Variants in LMO1 observed in about 807,000 individuals in gnomAD.
LMO1 encodes rhombotin-1.
In LMO1, 10 loss-of-function variants were observed where a neutral mutation model predicts 18.0. The ratio of observed to expected loss-of-function variants is 0.55; its 90% CI spans 0.34 to 0.94. The LOEUF (loss-of-function observed/expected upper bound fraction) is 0.94, where lower values mean the gene tolerates loss of function less well. Ranked by LOEUF, LMO1 falls within the 40% of genes least tolerant of loss-of-function variation. The pLI, the probability that LMO1 is intolerant of heterozygous loss-of-function variation, is 0.02. For missense variants in LMO1, 183 were observed against 205.7 expected, an observed-to-expected ratio of 0.89 and a Z score of 0.68; for synonymous variants, 77 against 77.9, an observed-to-expected ratio of 0.99 and a Z score of 0.06.
chr11:8,248,831 C>G (rs455082), intron 1 of LMO1, among the ~76,000 whole-genome samples: 133,939 of 152,220 alleles, frequency 0.88, 59,689 homozygotes, highest in South Asian at 0.98. Context: ...CCCAGTCCTA[C>G]TGTCCTCCTA....
chr11:8,268,722 C>A (rs772582798), upstream of LMO1: 8 of 231,372 alleles, frequency 3.5e-5, no homozygotes, highest in Non-Finnish European at 5.8e-5. Context: ...CGGGCCGGGC[C>A]GCAGCCGGAG....
chr11:8,238,670 C>CA (rs11375128), intron 1 of LMO1, among the ~76,000 whole-genome samples: 29,673 of 60,488 alleles, frequency 0.49, 6,894 homozygotes, highest in Non-Finnish European at 0.56. Context: ...GACTCCATCT[C>CA]AAAAAAAAAA....
chr11:8,266,217 G>C (rs1847259548), upstream of LMO1, among the ~76,000 whole-genome samples: 1 of 152,194 alleles, frequency 6.6e-6, no homozygotes, highest in African/African-American at 2.4e-5. Context: ...AACCTTCACA[G>C]CAAGTCTTGG....
At chr11:8,266,644 G>T (rs539778617), upstream of LMO1, among the ~76,000 whole-genome samples, 84 of 152,332 alleles carry the variant, frequency 5.5e-4, 1 homozygote, top group African/African-American at 1.9e-3. Context: ...TATCTGGGCA[G>T]GTCCCAGCAA....
chr11:8,267,687 G>T (rs73397910), upstream of LMO1, among the ~76,000 whole-genome samples: 8 of 152,322 alleles, frequency 5.3e-5, no homozygotes, highest in African/African-American at 1.9e-4. Flanking sequence ...TTACCACCAA[G>T]GACCTGGCAG....
chr11:8,260,765 T>A (rs1166549004), intron 1 of LMO1, among the ~76,000 whole-genome samples: 1 of 152,022 alleles, frequency 6.6e-6, no homozygotes, highest in Non-Finnish European at 1.5e-5. Flanking sequence ...CCCCAGCCTC[T>A]CCAGACAAGA....
upstream of LMO1, among the ~76,000 whole-genome samples, chr11:8,264,154 C>A (rs1204104289): frequency 6.6e-6 from 1 of 152,044 alleles, no homozygotes; most frequent in Non-Finnish European, 1.5e-5. Context: ...CCTTTTCCTT[C>A]CTACCAGTTC....
upstream of LMO1, chr11:8,263,998 T>C: frequency 8.2e-6 from 3 of 367,160 alleles, no homozygotes; most frequent in Non-Finnish European, 1.2e-5. Flanking sequence ...TGGAGGCTTC[T>C]AGGTCCTAGC....
upstream of LMO1, chr11:8,268,568 G>T: frequency 2.7e-6 from 2 of 740,126 alleles, no homozygotes; most frequent in Non-Finnish European, 3.7e-6. Flanking sequence ...AGTCCGGAGA[G>T]CCGCGACCGC....
chr11:8,256,194 G>C (rs1336535793), intron 1 of LMO1, among the ~76,000 whole-genome samples: 1 of 152,218 alleles, frequency 6.6e-6, no homozygotes, highest in Non-Finnish European at 1.5e-5. Flanking sequence ...TAAAGACTGA[G>C]AGGCCAAAGC....
At chr11:8,245,530 A>G (rs886706798) in intron 1 of LMO1, among the ~76,000 whole-genome samples, 5 of 152,206 alleles carry the variant, frequency 3.3e-5, no homozygotes, top group Non-Finnish European at 5.9e-5. Flanking sequence ...GTGAGCAAAG[A>G]TCCGTACTAA....
Position 8,243,019 on chromosome 11 carries a change from A to T in LMO1, c.26-12515T>A, listed in dbSNP as rs148314047. ...CCTGCTTCCTTCTTGAAGCCGCCAG[A>T]GCCCATCTGCTAGCCACGGGGCTGG... On this transcript the variant is annotated intron_variant, in intron 1 of 3. Coordinates refer to ENST00000335790, the MANE Select transcript of LMO1 (RefSeq NM_002315.3). Among the ~76,000 whole-genome samples, 1,118 of 152,252 alleles carry T rather than the reference A, an allele frequency of 7.3e-3. 11 individuals are homozygous for T. Among genetic ancestry groups the T allele is most frequent in the African/African-American group, 0.025 (1,058 of 41,552 alleles).
chr11:8,228,159 C>CT (rs1952581731), intron 2 of LMO1, among the ~76,000 whole-genome samples: 1 of 152,242 alleles, frequency 6.6e-6, no homozygotes, highest in Admixed American at 6.5e-5. Context: ...GCACAAATGC[C>CT]TCTTTGAGGC....
intron 1 of LMO1, among the ~76,000 whole-genome samples, chr11:8,262,323 C>G (rs1370483511): frequency 6.6e-6 from 1 of 152,200 alleles, no homozygotes; most frequent in Non-Finnish European, 1.5e-5. Context: ...GCCCCTGCAA[C>G]ACCAACACAC....
chr11:8,227,192 A>G (rs1466511426), intron 2 of LMO1, 92 bp from the exon 3 acceptor site: 3 of 1,530,000 alleles, frequency 2.0e-6, no homozygotes, highest in Non-Finnish European at 1.8e-6. Context: ...GGTCCTTCCC[A>G]TACTCCAACT....
chr11:8,249,959 A>T (rs1846960914), intron 1 of LMO1, among the ~76,000 whole-genome samples: 4 of 152,184 alleles, frequency 2.6e-5, no homozygotes, highest in Admixed American at 2.6e-4. Context: ...CAAGAAAGTA[A>T]CTCTTAATGA....
intron 1 of LMO1, among the ~76,000 whole-genome samples, chr11:8,255,998 T>C (rs1847090915): frequency 3.9e-5 from 6 of 151,922 alleles, no homozygotes; most frequent in Admixed American, 3.3e-4. Flanking sequence ...GCTAATTTTT[T>C]GTATTTTTGG....
intron 1 of LMO1, among the ~76,000 whole-genome samples, chr11:8,260,300 C>T (rs1309807858): frequency 6.6e-6 from 1 of 152,210 alleles, no homozygotes; most frequent in East Asian, 1.9e-4. Context: ...CCAGCCCAAG[C>T]CGCAGGTGCC....
chr11:8,232,937 G>T (rs571364508), intron 1 of LMO1, among the ~76,000 whole-genome samples: 1 of 152,320 alleles, frequency 6.6e-6, no homozygotes, highest in Admixed American at 6.5e-5. Flanking sequence ...GCTCCCGCAG[G>T]GTTGTAAACT....
Sources: gnomAD v4.1 joint callset for allele counts (sites outside exome capture counted in the v4.1 genomes callset) on GRCh38, gnomAD v4.1.1 for gene constraint, MANE v1.5 for transcripts, NCBI Gene and HGNC (gene_info 2026-07-23, HGNC 2026-07-21) for gene names.